The following TRIM16 variants were observed in gnomAD, a reference collection of about 807,000 sequenced individuals.
The protein encoded by TRIM16 is tripartite motif-containing protein 16.
TRIM16 carries 33 observed loss-of-function variants against 50.4 expected under a neutral mutation model. The observed-to-expected ratio is 0.65, with a 90% CI of 0.50 to 0.88. TRIM16 has a LOEUF of 0.88. TRIM16 is among the 40% of genes least tolerant of loss of function. The pLI, the probability that TRIM16 is intolerant of heterozygous loss-of-function variation, is 0.00. For synonymous variants in TRIM16, 229 were observed against 270.7 expected (o/e 0.85, Z 1.51); for missense variants, 581 against 686.8 (o/e 0.85, Z 1.72).
At chr17:15,630,112 A>G (rs1040453065) in intron 11 of TRIM16, among the ~76,000 whole-genome samples, 1 of 150,978 alleles carries the variant, frequency 6.6e-6, no homozygotes, top group African/African-American at 2.4e-5. Flanking sequence ...TGTGTCTCTG[A>G]CTCTCTCCCT....
chr17:15,679,659 C>T (rs1205759395), intron 4 of TRIM16, among the ~76,000 whole-genome samples: 4 of 152,288 alleles, frequency 2.6e-5, no homozygotes, highest in Admixed American at 6.5e-5. Flanking sequence ...CCAAGCTGGC[C>T]GGGCGTGGTG....
In TRIM16 at chr17:15,637,604, C is replaced by T. The variant is rs1292812603; in HGVS notation, c.616-1335G>A. Reference sequence around the variant, plus strand: ...TCAGCCCCCCGCCCGGCCAGCCGCCCCGTCCGGGAGGGAGGTGGGGGGGGG... The same window carrying T: ...TCAGCCCCCCGCCCGGCCAGCCGCCTCGTCCGGGAGGGAGGTGGGGGGGGG... On this transcript the variant is annotated intron_variant, in intron 8 of 11. Transcript: ENST00000649191. 8.7e-5 allele frequency among the ~76,000 whole-genome samples: 13 copies of T among 148,860 alleles called. No individual in the cohort carries two copies. In the East Asian group the frequency reaches 2.3e-3, roughly 26 times the overall value.
intron 6 of TRIM16, among the ~76,000 whole-genome samples, chr17:15,667,977 C>T (rs1167123906): frequency 6.6e-6 from 1 of 152,016 alleles, no homozygotes; most frequent in African/African-American, 2.4e-5. Context: ...TATCTTATAA[C>T]CCTTGAGTGA....
intron 9 of TRIM16, 70 bp from the exon 10 acceptor site, chr17:15,632,744 A>T (rs141069890): frequency 0.036 from 52,593 of 1,451,018 alleles, 1,399 homozygotes; most frequent in East Asian, 0.15. Flanking sequence ...TCTCCTCATT[A>T]AGTCACTTTT....
At chr17:15,669,741 G>A (rs1179621269) in intron 6 of TRIM16, among the ~76,000 whole-genome samples, 1 of 152,240 alleles carries the variant, frequency 6.6e-6, no homozygotes, top group Non-Finnish European at 1.5e-5. Flanking sequence ...ACCACCTCGT[G>A]GGGATATACT....
rs1319099184 is a variant in TRIM16, at chr17:15,640,696, G to A, written c.615+2025C>T. Reference sequence around the variant, plus strand: ...CTACCTCAGAAGACAGGAGAGTTTTGCTTATAACCATTTGGGAGCGGGGGC... The same window carrying A: ...CTACCTCAGAAGACAGGAGAGTTTTACTTATAACCATTTGGGAGCGGGGGC... On this transcript the variant is annotated intron_variant, in intron 8 of 11. Transcript: ENST00000649191. Among the ~76,000 whole-genome samples, 5 of 149,254 alleles carry A rather than the reference G, an allele frequency of 3.3e-5. 2 individuals carry two copies. In the East Asian group the frequency reaches 1.0e-3, roughly 30 times the overall value.
At chr17:15,662,055 A>AG (rs1988263208) in intron 6 of TRIM16, among the ~76,000 whole-genome samples, 1 of 152,206 alleles carries the variant, frequency 6.6e-6, no homozygotes, top group African/African-American at 2.4e-5. Context: ...CATGCACTCC[A>AG]GCTCCCAGGA....
At chr17:15,684,133 G>A (rs1169460489) in intron 1 of TRIM16, 63 bp downstream of exon 1, 1 of 152,168 alleles carries the variant, frequency 6.6e-6, no homozygotes, top group African/African-American at 2.4e-5. Flanking sequence ...CGGGCCCGGG[G>A]AGAGACCCAA....
chr17:15,660,822 T>C (rs1339949185), intron 6 of TRIM16, among the ~76,000 whole-genome samples: 14 of 136,384 alleles, frequency 1.0e-4, no homozygotes, highest in African/African-American at 3.1e-4. Flanking sequence ...GGTGTGAACC[T>C]GGGAGGCAGA....
intron 6 of TRIM16, among the ~76,000 whole-genome samples, chr17:15,669,992 C>T (rs2601969): frequency 2.0e-5 from 3 of 152,212 alleles, no homozygotes; most frequent in Non-Finnish European, 4.4e-5. Flanking sequence ...GAACCACTAA[C>T]GTGAAAGAAT....
chr17:15,650,240 T>G (rs1987621036), intron 7 of TRIM16, among the ~76,000 whole-genome samples: 1 of 152,186 alleles, frequency 6.6e-6, no homozygotes, highest in Non-Finnish European at 1.5e-5. Flanking sequence ...CCTTGATGAT[T>G]AATGTAGGAA....
chr17:15,635,908 T>G, intron 9 of TRIM16, 128 bp downstream of exon 9: 1 of 819,306 alleles, frequency 1.2e-6, no homozygotes. Context: ...CTTCTCTCTG[T>G]TCCCACTGCT....
chr17:15,663,049 C>T (rs1443985796), intron 6 of TRIM16, among the ~76,000 whole-genome samples: 3 of 152,046 alleles, frequency 2.0e-5, no homozygotes, highest in African/African-American at 7.3e-5. Flanking sequence ...AATTGACTGT[C>T]AGCTCTGTCT....
intron 11 of TRIM16, among the ~76,000 whole-genome samples, chr17:15,629,755 C>A (rs1478993336): frequency 6.6e-6 from 1 of 152,222 alleles, no homozygotes; most frequent in Non-Finnish European, 1.5e-5. Context: ...TCATTTCTGA[C>A]ATTTGTTTTG....
intron 6 of TRIM16, among the ~76,000 whole-genome samples, chr17:15,657,940 T>C (rs1988050900): frequency 6.6e-6 from 1 of 152,224 alleles, no homozygotes; most frequent in South Asian, 2.1e-4. Context: ...CTCTCTTGCC[T>C]TCACAAAACA....
chr17:15,632,363 C>G, intron 10 of TRIM16, 146 bp downstream of exon 10: 4 of 1,264,542 alleles, frequency 3.2e-6, no homozygotes, highest in African/African-American at 1.5e-5. Context: ...GGTGACAGAG[C>G]AAGACTGTCT....
intron 6 of TRIM16, among the ~76,000 whole-genome samples, 160 bp downstream of exon 6, chr17:15,677,016 G>C (rs955921784): frequency 2.0e-5 from 3 of 152,202 alleles, no homozygotes; most frequent in African/African-American, 7.2e-5. Context: ...TCTCTTCCTT[G>C]AGTCTGGGAA....
At chr17:15,638,057 G>A (rs9899358) in intron 8 of TRIM16, among the ~76,000 whole-genome samples, 1,480 of 128,234 alleles carry the variant, frequency 0.012, 44 homozygotes, top group African/African-American at 0.043. Flanking sequence ...CAGCATGCTC[G>A]TTAAGAGTCA....
intron 8 of TRIM16, among the ~76,000 whole-genome samples, chr17:15,636,914 G>C (rs1008546081): frequency 6.7e-6 from 1 of 149,626 alleles, no homozygotes; most frequent in African/African-American, 2.5e-5. Context: ...TGGGGCACAT[G>C]CATGTGGACT....
Sources: allele counts gnomAD v4.1 joint callset (sites outside exome capture counted in the v4.1 genomes callset), GRCh38; gene constraint gnomAD v4.1.1; transcripts MANE v1.5; gene names NCBI Gene and HGNC (gene_info 2026-07-23, HGNC 2026-07-21).